The following HSD17B12 variants were observed in gnomAD, a reference collection of about 807,000 sequenced individuals.
The protein encoded by HSD17B12 is hydroxysteroid 17-beta dehydrogenase 12.
A neutral mutation model predicts 39.3 loss-of-function variants in HSD17B12; 32 were observed. That is an observed-to-expected ratio of 0.81 (90% CI 0.61 to 1.09). The LOEUF (loss-of-function observed/expected upper bound fraction) is 1.09, where lower values mean the gene tolerates loss of function less well. HSD17B12 is among the 50% of genes least tolerant of loss of function. The pLI is 0.00. For synonymous variants in HSD17B12, 150 were observed against 146.7 expected (o/e 1.02, Z -0.16); for missense variants, 342 against 382.9 (o/e 0.89, Z 0.89).
intron 1 of HSD17B12, chr11:43,718,883 A>C: frequency 1.1e-6 from 1 of 906,186 alleles, no homozygotes; most frequent in South Asian, 1.3e-5. Flanking sequence ...CAGGAGAAAC[A>C]AGCTTGACCA....
At chr11:43,755,390 T>G (rs577334856) in intron 3 of HSD17B12, 35 of 152,600 alleles carry the variant, frequency 2.3e-4, no homozygotes, top group African/African-American at 8.2e-4. Context: ...TGATAGAATA[T>G]GGGTGTGATG....
chr11:43,622,347 C>G, the HSD17B12 span, among the ~76,000 whole-genome samples: 1 of 152,050 alleles, frequency 6.6e-6, no homozygotes, highest in South Asian at 2.1e-4. Flanking sequence ...GTTGAAGTCT[C>G]ACTTTGGGAG....
chr11:43,566,043 G>A, the HSD17B12 span, among the ~76,000 whole-genome samples: 4 of 151,032 alleles, frequency 2.6e-5, no homozygotes, highest in Non-Finnish European at 4.4e-5. Flanking sequence ...CTGTATTTCC[G>A]AATACCAGTT....
chr11:43,623,747 T>C, the HSD17B12 span, among the ~76,000 whole-genome samples: 1 of 151,990 alleles, frequency 6.6e-6, no homozygotes, highest in Non-Finnish European at 1.5e-5. Flanking sequence ...TTAAGAAGAT[T>C]GGTGGTGAGC....
chr11:43,624,268 T>A, the HSD17B12 span, among the ~76,000 whole-genome samples: 1 of 151,958 alleles, frequency 6.6e-6, no homozygotes, highest in Non-Finnish European at 1.5e-5. Context: ...GAAAAGAAAG[T>A]CTCTTGGAGA....
chr11:43,581,013 G>C, the HSD17B12 span, among the ~76,000 whole-genome samples: 4 of 152,120 alleles, frequency 2.6e-5, no homozygotes, highest in African/African-American at 7.2e-5. This position sits in a 1 kb window ranked among gnomAD's most constrained non-coding sequence, Gnocchi z 4.9. Context: ...AATCCGAACT[G>C]TACCTGTTCA....
intron 1 of HSD17B12, among the ~76,000 whole-genome samples, chr11:43,705,875 AC>A (rs1463580525): frequency 2.2e-5 from 3 of 135,760 alleles, no homozygotes; most frequent in Non-Finnish European, 4.6e-5. Flanking sequence ...AATCCTTCCC[AC>A]CTCAGCCTCT....
chr11:43,694,780 C>T (rs545989222), intron 1 of HSD17B12, among the ~76,000 whole-genome samples: 2 of 152,180 alleles, frequency 1.3e-5, no homozygotes, highest in East Asian at 1.9e-4. Flanking sequence ...TGCTCATTAA[C>T]GTTACATTCT....
intron 6 of HSD17B12, among the ~76,000 whole-genome samples, chr11:43,826,184 G>A (rs1179869707): frequency 2.0e-5 from 3 of 149,168 alleles, no homozygotes; most frequent in Non-Finnish European, 3.0e-5. Context: ...CCGGGTTCAC[G>A]CCATTCTCCT....
chr11:43,750,853 A>G (rs1248119698), intron 1 of HSD17B12, 58 bp from the exon 2 acceptor site: 5 of 1,284,696 alleles, frequency 3.9e-6, no homozygotes, highest in East Asian at 4.7e-5. Flanking sequence ...GGTCCTAACT[A>G]TGACCAATTC....
chr11:43,695,519 A>G (rs963987218), intron 1 of HSD17B12, among the ~76,000 whole-genome samples: 17 of 152,336 alleles, frequency 1.1e-4, no homozygotes, highest in Middle Eastern at 3.4e-3. Context: ...CAGAGGTTGC[A>G]ATGAATTGAG....
the HSD17B12 span, among the ~76,000 whole-genome samples, chr11:43,565,218 C>T: frequency 6.6e-6 from 1 of 152,254 alleles, no homozygotes; most frequent in South Asian, 2.1e-4. Context: ...TTCTTATAGT[C>T]AGTGGTCCTC....
At chr11:43,639,990 G>C in the HSD17B12 span, among the ~76,000 whole-genome samples, 1 of 152,186 alleles carries the variant, frequency 6.6e-6, no homozygotes, top group African/African-American at 2.4e-5. Context: ...GTACCTAGTA[G>C]GGAGTGAAAA....
chr11:43,710,071 G>A (rs898148393), intron 1 of HSD17B12, among the ~76,000 whole-genome samples: 1 of 152,190 alleles, frequency 6.6e-6, no homozygotes, highest in African/African-American at 2.4e-5. Context: ...TGATGGTTTT[G>A]TGTTGGTGGA....
Position 43,690,386 on chromosome 11 carries a change from A to ATTTTT in HSD17B12, c.160+9400_160+9401insTTTTT. Among the ~76,000 whole-genome samples the ATTTTT allele has an allele frequency of 6.8e-4, 7 of 10,308 alleles. 2 individuals carry two copies. The highest frequency in any genetic ancestry group is 9.1e-4 in the Non-Finnish European group (5 of 5,502). The allele number at this position is 10,308 out of a possible 152,430, so 6.8% of individuals were successfully genotyped here. ...CATATATATATATATATATATATATATATATATATATATATATATTTTTTT... is the reference window on the plus strand; with the variant it reads ...CATATATATATATATATATATATATATTTTTTATATATATATATATATATTTTTTT... On this transcript the variant is annotated intron_variant, in intron 1 of 10. Transcript: ENST00000278353.
chr11:43,559,042 A>C, the HSD17B12 span, among the ~76,000 whole-genome samples: 1 of 152,182 alleles, frequency 6.6e-6, no homozygotes, highest in Non-Finnish European at 1.5e-5. Flanking sequence ...GGTGTGAAGT[A>C]AAACCAGGTC....
the HSD17B12 span, among the ~76,000 whole-genome samples, chr11:43,655,033 A>G: frequency 6.6e-6 from 1 of 152,184 alleles, no homozygotes; most frequent in African/African-American, 2.4e-5. Flanking sequence ...CTTCCTACCC[A>G]TGAGCATGGA....
At chr11:43,667,395 G>A in the HSD17B12 span, among the ~76,000 whole-genome samples, 43 of 152,024 alleles carry the variant, frequency 2.8e-4, 1 homozygote, top group East Asian at 1.7e-3. Flanking sequence ...CAAGTGATCC[G>A]CCCGCCTCAG....
chr11:43,737,205 A>G (rs1466176344), intron 1 of HSD17B12, among the ~76,000 whole-genome samples: 1 of 152,270 alleles, frequency 6.6e-6, no homozygotes, highest in Non-Finnish European at 1.5e-5. Flanking sequence ...GGGAATAGAC[A>G]GAAGAGCTAA....
Sources: gnomAD v4.1 joint callset for allele counts (sites outside exome capture counted in the v4.1 genomes callset) on GRCh38, gnomAD v4.1.1 for gene constraint, Gnocchi (gnomAD v3.1) non-coding constraint, MANE v1.5 for transcripts, NCBI Gene and HGNC (gene_info 2026-07-23, HGNC 2026-07-21) for gene names.